RCBTB1: variants seen among roughly 807,000 people sequenced by gnomAD.
RCBTB1 encodes RCC1 and BTB domain-containing protein 1.
In RCBTB1, 46 loss-of-function variants were observed where a neutral mutation model predicts 62.4. That is an observed-to-expected ratio of 0.74 (90% CI 0.58 to 0.94). The LOEUF (loss-of-function observed/expected upper bound fraction) is 0.94, where lower values mean the gene tolerates loss of function less well. RCBTB1 is among the 40% of genes least tolerant of loss of function. RCBTB1 has a pLI of 0.00. For missense variants in RCBTB1, 565 were observed against 654.9 expected, an observed-to-expected ratio of 0.86 and a Z score of 1.50; for synonymous variants, 222 against 245.8, an observed-to-expected ratio of 0.90 and a Z score of 0.91.
chr13:49,573,154 C>T (rs1963525630), intron 2 of RCBTB1, among the ~76,000 whole-genome samples: 3 of 152,074 alleles, frequency 2.0e-5, no homozygotes. Flanking sequence ...AATAAATGTA[C>T]CCTGTAAGAC....
At chr13:49,575,820 G>A (rs919966704) in intron 2 of RCBTB1, among the ~76,000 whole-genome samples, 5 of 152,038 alleles carry the variant, frequency 3.3e-5, no homozygotes, top group Admixed American at 6.6e-5. Flanking sequence ...GGAATTATTC[G>A]TACTCCAAAG....
intron 9 of RCBTB1, chr13:49,547,175 CA>C (rs3039280): frequency 8.6e-3 from 9,240 of 1,076,552 alleles, no homozygotes; most frequent in South Asian, 0.016. Context: ...ATACTCACTG[CA>C]AAAAAAAAAA....
chr13:49,565,987 G>A (rs1368167853), intron 4 of RCBTB1, among the ~76,000 whole-genome samples: 1 of 150,484 alleles, frequency 6.6e-6, no homozygotes, highest in Non-Finnish European at 1.5e-5. Context: ...TCTCTGAAAC[G>A]TGCTGTGTCC....
At chr13:49,554,097 G>A (rs1002313755) in intron 6 of RCBTB1, among the ~76,000 whole-genome samples, 3 of 152,148 alleles carry the variant, frequency 2.0e-5, no homozygotes, top group Non-Finnish European at 4.4e-5. Flanking sequence ...ATAAACACAG[G>A]ATGCTATACA....
In RCBTB1 at chr13:49,567,204, C is replaced by A; in HGVS notation, c.76G>T (p.Val26Phe). The change falls in exon 3 of 13, where the codon GTC (valine) becomes TTC (phenylalanine). Residue 26 changes from valine to phenylalanine, a missense_variant. Coordinates refer to ENST00000378302, the MANE Select transcript of RCBTB1 (RefSeq NM_018191.4). Reference protein sequence around the residue: ...QEIASIRKACVFGTSASEALY... With the variant: ...QEIASIRKACFFGTSASEALY... ...GCTTCACTGGCTGAGGTGCCGAAGA[C>A]ACACGCCTTCCGAATAGACGCGATC... The A allele has an allele frequency of 3.7e-6, 6 of 1,613,920 alleles. No individual in the cohort carries two copies. The highest frequency in any genetic ancestry group is 5.1e-6 in the Non-Finnish European group (6 of 1,179,824).
chr13:49,575,979 G>C (rs1036346358), intron 2 of RCBTB1, among the ~76,000 whole-genome samples: 1 of 152,066 alleles, frequency 6.6e-6, no homozygotes, highest in Non-Finnish European at 1.5e-5. Context: ...CAAGGTCAGA[G>C]ATCGAGACCA....
intron 4 of RCBTB1, among the ~76,000 whole-genome samples, chr13:49,563,153 A>C (rs7987338): frequency 0.24 from 36,884 of 151,398 alleles, 5,796 homozygotes; most frequent in African/African-American, 0.44. Flanking sequence ...TAATCCCAAC[A>C]CTTTGGGAGG....
At chr13:49,538,998 T>G (rs1960142052) in intron 12 of RCBTB1, among the ~76,000 whole-genome samples, 1 of 151,560 alleles carries the variant, frequency 6.6e-6, no homozygotes, top group South Asian at 2.1e-4. Context: ...GCCTCCCGAA[T>G]AGCTGGGATT....
At chr13:49,549,896 G>C (rs1335554550) in intron 8 of RCBTB1, 1 of 985,246 alleles carries the variant, frequency 1.0e-6, no homozygotes, top group Non-Finnish European at 1.2e-6. Flanking sequence ...GACCGCCGAG[G>C]AAAACTTGGA....
chr13:49,583,707 C>A (rs1411278641), intron 1 of RCBTB1, among the ~76,000 whole-genome samples: 1 of 152,064 alleles, frequency 6.6e-6, no homozygotes, highest in Non-Finnish European at 1.5e-5. Flanking sequence ...CCACCACGCC[C>A]AGCTAATTTT....
At chr13:49,548,883 A>ATGCC in intron 9 of RCBTB1, among the ~76,000 whole-genome samples, 1 of 135,112 alleles carries the variant, frequency 7.4e-6, no homozygotes, top group South Asian at 2.5e-4. Flanking sequence ...TAAAGGGTGG[A>ATGCC]TGTAGGCCAG....
chr13:49,583,386 ATGTGTGTGTGTGTGTG>A (rs6145049), intron 1 of RCBTB1, among the ~76,000 whole-genome samples: 1 of 149,826 alleles, frequency 6.7e-6, no homozygotes, highest in South Asian at 2.1e-4. Context: ...GCTTTTGTGT[ATGTGTGTGTGTGTGTG>A]TGTGTGTGTG....
intron 2 of RCBTB1, among the ~76,000 whole-genome samples, chr13:49,579,735 G>A (rs926853650): frequency 6.6e-6 from 1 of 152,138 alleles, no homozygotes; most frequent in Non-Finnish European, 1.5e-5. Flanking sequence ...TCAAGCTGAA[G>A]CCACCTGTAC....
At chr13:49,565,134 C>A (rs888602075) in intron 4 of RCBTB1, among the ~76,000 whole-genome samples, 1 of 152,222 alleles carries the variant, frequency 6.6e-6, no homozygotes, top group Non-Finnish European at 1.5e-5. Context: ...CCTGCCTCAG[C>A]CTGCCGAGTG....
chr13:49,557,391 T>G (rs1962013430), intron 5 of RCBTB1, among the ~76,000 whole-genome samples: 1 of 152,054 alleles, frequency 6.6e-6, no homozygotes, highest in East Asian at 1.9e-4. Context: ...GTACAAAAGA[T>G]TAGAAGACAG....
Position 49,569,641 on chromosome 13 carries a change from G to T in RCBTB1, c.-41-2321C>A, listed in dbSNP as rs573080967. On this transcript the variant is annotated intron_variant, in intron 2 of 12. Coordinates refer to ENST00000378302, the MANE Select transcript of RCBTB1 (RefSeq NM_018191.4). The stretch of plus-strand genomic sequence containing the variant: ...TGAGGCAGGAGAATCACTTGAGCCC[G>T]GGAGGCAGAGGTGGCTGTGAGCCGA... Among the ~76,000 whole-genome samples the T allele has an allele frequency of 9.2e-4, 139 of 151,724 alleles. 1 individual carries two copies. The highest frequency in any genetic ancestry group is 3.2e-3 in the African/African-American group (134 of 41,370).
At chr13:49,557,434 A>G (rs7987806) in intron 5 of RCBTB1, among the ~76,000 whole-genome samples, 37,290 of 152,112 alleles carry the variant, frequency 0.25, 5,921 homozygotes, top group African/African-American at 0.44. Context: ...TAAGATAAGC[A>G]CAACTTGGGG....
chr13:49,556,339 C>T (rs1472774026), intron 5 of RCBTB1, among the ~76,000 whole-genome samples: 2 of 151,866 alleles, frequency 1.3e-5, no homozygotes, highest in Non-Finnish European at 2.9e-5. Flanking sequence ...GACAGGCGCC[C>T]GCCACCATGC....
intron 4 of RCBTB1, among the ~76,000 whole-genome samples, chr13:49,565,297 G>A (rs1007365142): frequency 2.6e-5 from 4 of 152,310 alleles, no homozygotes; most frequent in Admixed American, 1.3e-4. Context: ...GATTGCAGAC[G>A]GAGTCTCGTT....
Sources: allele counts gnomAD v4.1 joint callset (sites outside exome capture counted in the v4.1 genomes callset), GRCh38; gene constraint gnomAD v4.1.1; transcripts MANE v1.5; gene names NCBI Gene and HGNC (gene_info 2026-07-23, HGNC 2026-07-21).